Variants in SRD5A1 observed in about 807,000 individuals in gnomAD.
SRD5A1 encodes the protein steroid 5 alpha-reductase 1, also known as 3-oxo-5-alpha-steroid 4-dehydrogenase 1.
A neutral mutation model predicts 28.2 loss-of-function variants in SRD5A1; 22 were observed. The ratio of observed to expected loss-of-function variants is 0.78; its 90% confidence interval spans 0.56 to 1.12. The LOEUF is 1.12. SRD5A1 is among the 50% of genes most tolerant of loss of function. The probability of loss-of-function intolerance (pLI) is 0.00; values close to 1 mark genes in which losing one functional copy is unlikely to be tolerated. For synonymous variants in SRD5A1, 151 were observed against 135.0 expected (o/e 1.12, Z -0.82); for missense variants, 300 against 346.7 (o/e 0.87, Z 1.07).
chr5:6,665,568 T>G (rs4702382), intron 4 of SRD5A1, among the ~76,000 whole-genome samples: 46,531 of 152,168 alleles, frequency 0.31, 7,825 homozygotes, highest in Middle Eastern at 0.43. Context: ...CTCCCAGCAC[T>G]GCACCTGGCC....
At chr5:6,634,771 G>A (rs968026586) in intron 1 of SRD5A1, among the ~76,000 whole-genome samples, 1 of 152,234 alleles carries the variant, frequency 6.6e-6, no homozygotes, top group East Asian at 1.9e-4. Context: ...AAAACTGGCT[G>A]TGTCTGAAAT....
chr5:6,644,372 T>C (rs138035681), intron 1 of SRD5A1, among the ~76,000 whole-genome samples: 10 of 152,326 alleles, frequency 6.6e-5, no homozygotes, highest in Non-Finnish European at 1.0e-4. Flanking sequence ...CTTTTATGTC[T>C]TGCTCTTTTT....
chr5:6,645,596 G>A (rs887659774), intron 1 of SRD5A1, among the ~76,000 whole-genome samples: 5 of 149,696 alleles, frequency 3.3e-5, no homozygotes, highest in Admixed American at 2.0e-4. Context: ...CCGAGATCAC[G>A]CCACTGCACT....
chr5:6,665,851 A>G (rs1398487813), intron 4 of SRD5A1, among the ~76,000 whole-genome samples: 1 of 152,230 alleles, frequency 6.6e-6, no homozygotes, highest in Non-Finnish European at 1.5e-5. Flanking sequence ...ATCTAAATGA[A>G]AGTCTTTGCT....
intron 4 of SRD5A1, among the ~76,000 whole-genome samples, chr5:6,665,195 G>A (rs570312493): frequency 9.2e-5 from 14 of 152,334 alleles, no homozygotes; most frequent in Admixed American, 1.3e-4. Flanking sequence ...CCAGGAACAC[G>A]TGGTGCCACC....
Position 6,633,828 on chromosome 5 carries a change from C to T in SRD5A1, c.252C>T (p.Asn84=), listed in dbSNP as rs568976307. The part of the protein sequence containing the change: ...ESAPRLRSAP[N]CILLAMFLVH... Reference sequence around the variant, plus strand: ...CCCCGCGTCTCCGCAGCGCGCCCAACTGCATCCTCCTGGCCATGTTCCTCG... The same window carrying T: ...CCCCGCGTCTCCGCAGCGCGCCCAATTGCATCCTCCTGGCCATGTTCCTCG... The change falls in exon 1 of 5, where the codon AAC becomes AAT. Residue 84 remains asparagine (N), a synonymous_variant. Coordinates refer to ENST00000274192, the MANE Select transcript of SRD5A1 (RefSeq NM_001047.4). 5.6e-6 allele frequency: 9 copies of T among 1,597,860 alleles called. No homozygotes were observed. In the East Asian group the frequency reaches 8.9e-5, roughly 16 times the overall value.
At chr5:6,646,027 A>T (rs1263893555) in intron 1 of SRD5A1, among the ~76,000 whole-genome samples, 1 of 151,806 alleles carries the variant, frequency 6.6e-6, no homozygotes, top group Non-Finnish European at 1.5e-5. Flanking sequence ...CCAGTGTGTG[A>T]TGTTCCCCTC....
In SRD5A1 at chr5:6,670,504, T is replaced by C. The variant is rs1226565526; in HGVS notation, c.*2236T>C. ...CCAATGAGGCAGAGAACAATAGTTGTACCCATCTCCTCCTTAGTCTCCAAG... is the reference window on the plus strand; with the variant it reads ...CCAATGAGGCAGAGAACAATAGTTGCACCCATCTCCTCCTTAGTCTCCAAG... On this transcript the variant is annotated 3_prime_UTR_variant, in exon 5 of 5. Coordinates refer to ENST00000274192, the MANE Select transcript of SRD5A1 (RefSeq NM_001047.4). 1 of 152,328 alleles carries C rather than the reference T, an allele frequency of 6.6e-6. No individual in the cohort carries two copies. The highest frequency in any genetic ancestry group is 1.5e-5 in the Non-Finnish European group (1 of 68,114). The allele number at this position is 152,328 out of a possible 1,614,324, so 9.4% of individuals were successfully genotyped here. A position where few individuals can be genotyped will look rare whatever the true frequency, so the allele number is the denominator to read the frequency against.
At chr5:6,664,694 A>T (rs8192228) in intron 4 of SRD5A1, among the ~76,000 whole-genome samples, 8,031 of 152,342 alleles carry the variant, frequency 0.053, 464 homozygotes, top group African/African-American at 0.15. Context: ...GCGTGAGCCA[A>T]CGTGGCTGGC....
In SRD5A1 at chr5:6,638,094, G is replaced by A. The variant is rs756704993; in HGVS notation, c.293+4225G>A. The stretch of plus-strand genomic sequence containing the variant: ...TGGCTCATGCCTGTAATCCCAGCAC[G>A]CTGGGAGGCCGAGGAAGGTGGATCA... On this transcript the variant is annotated intron_variant, in intron 1 of 4. Transcript: ENST00000274192. 3.3e-5 allele frequency among the ~76,000 whole-genome samples: 5 copies of A among 152,172 alleles called. No homozygotes were observed. The East Asian group carries it at 5.8e-4, about 18-fold the overall frequency.
intron 1 of SRD5A1, among the ~76,000 whole-genome samples, chr5:6,639,565 T>C (rs1332047550): frequency 6.6e-6 from 1 of 152,246 alleles, no homozygotes; most frequent in Non-Finnish European, 1.5e-5. Flanking sequence ...TTTTGTTCTT[T>C]TCAATAATCC....
chr5:6,653,084 T>C (rs902521322), intron 2 of SRD5A1, among the ~76,000 whole-genome samples: 1 of 152,188 alleles, frequency 6.6e-6, no homozygotes, highest in Admixed American at 6.5e-5. Flanking sequence ...TTACATTGCA[T>C]TGTGCTTTTT....
intron 1 of SRD5A1, among the ~76,000 whole-genome samples, chr5:6,648,463 G>A (rs975133914): frequency 2.6e-5 from 4 of 152,128 alleles, no homozygotes; most frequent in Middle Eastern, 3.2e-3. Flanking sequence ...ATTTCTTGGA[G>A]GCTTTGTTTC....
Position 6,673,077 on chromosome 5 carries a change from G to A in SRD5A1, c.*4809G>A, listed in dbSNP as rs1739407316. ...TTCCCAATTCAGATCCTCTGGGGAG[G>A]GCATCAATTATTTCCTATTGTTTTT... On this transcript the variant is annotated 3_prime_UTR_variant, in exon 5 of 5. Transcript: ENST00000274192. 1 of 152,044 alleles carries A rather than the reference G, an allele frequency of 6.6e-6. No individual in the cohort carries two copies. The highest frequency in any genetic ancestry group is 2.4e-5 in the African/African-American group (1 of 41,380). 9.4% of individuals were successfully genotyped at this position (152,044 alleles called of 1,614,324 possible).
At chr5:6,648,367 G>A (rs1488752941) in intron 1 of SRD5A1, among the ~76,000 whole-genome samples, 4 of 152,200 alleles carry the variant, frequency 2.6e-5, no homozygotes, top group Non-Finnish European at 4.4e-5. Context: ...ATATCCTGAA[G>A]AGTGTTTTCC....
rs1738635079 is a variant in SRD5A1, at chr5:6,650,410, T to TG, written c.294-1431dup. Among the ~76,000 whole-genome samples the TG allele has an allele frequency of 8.3e-5, 12 of 145,414 alleles. No individual in the cohort carries two copies. The South Asian group carries it at 2.7e-3, about 33-fold the overall frequency. On this transcript the variant is annotated intron_variant, in intron 1 of 4. Coordinates refer to ENST00000274192, the MANE Select transcript of SRD5A1 (RefSeq NM_001047.4). ...TGAGTGACAGAGCAAGACCCTGTCT[T>TG]GAAAAAAAAAAAAAAAGAGTTCCTT...
At chr5:6,668,170 A>C (rs1397025904) in intron 4 of SRD5A1, 32 bp from the exon 5 acceptor site, 1 of 1,369,996 alleles carries the variant, frequency 7.3e-7, no homozygotes, top group South Asian at 1.3e-5. Context: ...TAAGCGACAG[A>C]ATTATTTCCT....
At chr5:6,641,549 C>T (rs1738362117) in intron 1 of SRD5A1, among the ~76,000 whole-genome samples, 1 of 152,168 alleles carries the variant, frequency 6.6e-6, no homozygotes, top group African/African-American at 2.4e-5. Context: ...CCTCCTCTCC[C>T]CTGTCCACCA....
intron 1 of SRD5A1, among the ~76,000 whole-genome samples, chr5:6,638,736 A>G (rs1479317823): frequency 2.0e-5 from 3 of 152,276 alleles, no homozygotes; most frequent in Non-Finnish European, 4.4e-5. Context: ...TGAAAAGTGA[A>G]ATAATGATAG....
Sources: gnomAD v4.1 joint callset for allele counts (sites outside exome capture counted in the v4.1 genomes callset) on GRCh38, gnomAD v4.1.1 for gene constraint, MANE v1.5 for transcripts, NCBI Gene and HGNC (gene_info 2026-07-23, HGNC 2026-07-21) for gene names.